Variants in DCLRE1C observed in about 807,000 individuals in gnomAD.
DCLRE1C encodes the protein DNA cross-link repair 1C.
DCLRE1C carries 47 observed loss-of-function variants against 61.4 expected under a neutral mutation model. The ratio of observed to expected loss-of-function variants is 0.77; its 90% CI spans 0.61 to 0.98. The LOEUF is 0.98. DCLRE1C is among the 50% of genes least tolerant of loss of function. The pLI, the probability that DCLRE1C is intolerant of heterozygous loss-of-function variation, is 0.00. For missense variants in DCLRE1C, 858 were observed against 816.0 expected, an observed-to-expected ratio of 1.05 and a Z score of -0.63; for synonymous variants, 337 against 287.6, an observed-to-expected ratio of 1.17 and a Z score of -1.74.
intron 12 of DCLRE1C, among the ~76,000 whole-genome samples, chr10:14,920,208 C>T (rs1836869393): frequency 1.3e-5 from 2 of 152,132 alleles, no homozygotes; most frequent in South Asian, 2.1e-4. Flanking sequence ...CTCTGGCATT[C>T]GGGATACAAT....
chr10:14,909,618 A>G (rs1031720764), intron 13 of DCLRE1C, among the ~76,000 whole-genome samples: 1 of 152,030 alleles, frequency 6.6e-6, no homozygotes, highest in Non-Finnish European at 1.5e-5. Flanking sequence ...AAAAAAAAAA[A>G]AAACAGGTTT....
chr10:14,923,972 T>A (rs1837538923), intron 11 of DCLRE1C, among the ~76,000 whole-genome samples: 1 of 152,214 alleles, frequency 6.6e-6, no homozygotes, highest in Non-Finnish European at 1.5e-5. Context: ...CAGGGCAACC[T>A]GCCTACATGC....
chr10:14,909,699 C>T (rs986627139), intron 13 of DCLRE1C, among the ~76,000 whole-genome samples: 1 of 151,998 alleles, frequency 6.6e-6, no homozygotes, highest in African/African-American at 2.4e-5. Context: ...TTAAGTTCTA[C>T]AGCTGATATC....
At chr10:14,934,238 G>A (rs1839499249) in intron 8 of DCLRE1C, 142 bp downstream of exon 8, 1 of 1,217,380 alleles carries the variant, frequency 8.2e-7, no homozygotes, top group Middle Eastern at 2.9e-4. Context: ...TGAGCCAGGA[G>A]AATTGCTTGA....
rs1841555532 is a variant in DCLRE1C at position 14,945,643 on chromosome 10, TAA to T, written c.162-456_162-455del. On this transcript the variant is annotated intron_variant, in intron 2 of 13. Transcript: ENST00000378278. ...ACAGAAACTTCTGCTTTTTACTGTA[TAA>T]GTCTATTCTTTTTTTTTTTTTTTTT... The T allele has an allele frequency of 4.9e-6, 3 of 607,450 alleles. No individual in the cohort carries two copies. The South Asian group carries it at 2.1e-4, about 43-fold the overall frequency. 37.6% of individuals were successfully genotyped at this position (607,450 alleles called of 1,614,324 possible).
At chr10:14,953,783 T>C in intron 1 of DCLRE1C, 119 bp downstream of exon 1, 1 of 1,445,332 alleles carries the variant, frequency 6.9e-7, no homozygotes, top group Non-Finnish European at 9.4e-7. Flanking sequence ...AGGCGTGTGC[T>C]GGCCGCCCCC....
At chr10:14,953,211 G>A (rs944104098) in intron 1 of DCLRE1C, among the ~76,000 whole-genome samples, 1 of 152,194 alleles carries the variant, frequency 6.6e-6, no homozygotes, top group Non-Finnish European at 1.5e-5. Flanking sequence ...AAGTGAAAAT[G>A]AACAATGGTT....
chr10:14,898,106 A>AG (rs1220845086), exon 14 of DCLRE1C: 2 of 150,670 alleles, frequency 1.3e-5, no homozygotes, highest in Non-Finnish European at 3.0e-5. Flanking sequence ...ATATATATAA[A>AG]TGTAAAAAGT....
At chr10:14,934,275 C>A (rs1418282643) in intron 8 of DCLRE1C, 105 bp downstream of exon 8, 8 of 1,502,196 alleles carry the variant, frequency 5.3e-6, no homozygotes, top group African/African-American at 1.4e-5. Context: ...CTGCAGTGAG[C>A]CGAGGTCGCG....
intron 5 of DCLRE1C, among the ~76,000 whole-genome samples, chr10:14,936,326 CTTTT>C (rs201889030): frequency 7.3e-6 from 1 of 137,246 alleles, no homozygotes; most frequent in Non-Finnish European, 1.6e-5. Flanking sequence ...TTCTTTCTTT[CTTTT>C]TTTTTTTTTT....
chr10:14,902,691 CAT>C (rs930241335), downstream of DCLRE1C: 106 of 478,638 alleles, frequency 2.2e-4, no homozygotes, highest in South Asian at 3.1e-3. Flanking sequence ...CACTGGGTCT[CAT>C]AGACTGATAT....
Position 14,932,873 on chromosome 10 carries a change from T to C in DCLRE1C, c.761A>G (p.His254Arg). 2 of 1,614,198 alleles carry C rather than the reference T, an allele frequency of 1.2e-6. No individual in the cohort carries two copies. The highest frequency in any genetic ancestry group is 1.7e-6 in the Non-Finnish European group (2 of 1,180,020). Residue 254 changes from histidine to arginine, a missense_variant, in exon 9 of 14, where the codon CAT becomes CGT. His to Arg is a conservative substitution (Grantham distance 29). Around this residue, in one of 2 missense-constraint regions of DCLRE1C, gnomAD observed 843 missense variants for 783.5 expected, o/e 1.08. Transcript: ENST00000378278. ...HLTTDRNTQI[H>R]ACRHPKAEEY... ...ACGTACCTTGGGATGCCGGCATGCA[T>C]GGATCTGAGTGTTGCGGTCTGTTGT...
At chr10:14,950,376 AC>A (rs1170482370) in intron 1 of DCLRE1C, among the ~76,000 whole-genome samples, 1 of 151,272 alleles carries the variant, frequency 6.6e-6, no homozygotes, top group Non-Finnish European at 1.5e-5. Context: ...AAAAAAAAAA[AC>A]AAGAACAATA....
chr10:14,940,041 TAA>T (rs1421442027), intron 3 of DCLRE1C, among the ~76,000 whole-genome samples, 172 bp from the exon 4 acceptor site: 1 of 152,164 alleles, frequency 6.6e-6, no homozygotes, highest in African/African-American at 2.4e-5. Flanking sequence ...GTAAAGAAAA[TAA>T]TACCTGTCTT....
In DCLRE1C at chr10:14,908,094, C is replaced by T. The variant is rs886046845; in HGVS notation, c.*314G>A. Reference sequence around the variant, plus strand: ...GAGGTGCAGTGGCACAGTCATGGCTCACTGCAGCCTCAATCTCCTGGGCTC... The same window carrying T: ...GAGGTGCAGTGGCACAGTCATGGCTTACTGCAGCCTCAATCTCCTGGGCTC... On this transcript the variant is annotated 3_prime_UTR_variant, in exon 14 of 14. Coordinates refer to ENST00000378278, the MANE Select transcript of DCLRE1C (RefSeq NM_001033855.3). The T allele has an allele frequency of 6.6e-6, 2 of 301,622 alleles. No individual in the cohort carries two copies. The allele number at this position is 301,622 out of a possible 1,614,324, so 18.7% of individuals were successfully genotyped here. A position where few individuals can be genotyped will look rare whatever the true frequency, so the allele number is the denominator to read the frequency against.
intron 12 of DCLRE1C, among the ~76,000 whole-genome samples, chr10:14,922,455 AT>A (rs1378938432): frequency 2.0e-5 from 3 of 151,790 alleles, no homozygotes; most frequent in Non-Finnish European, 2.9e-5. Flanking sequence ...AAAAAAAAAA[AT>A]CATTCATGAA....
At chr10:14,901,333 C>A (rs896207453), downstream of DCLRE1C, 88 of 1,583,178 alleles carry the variant, frequency 5.6e-5, no homozygotes, top group Non-Finnish European at 7.3e-5. Context: ...TAGGAACAGA[C>A]CTTAGATATT....
intron 13 of DCLRE1C, among the ~76,000 whole-genome samples, chr10:14,911,951 G>A (rs985952961): frequency 6.6e-6 from 1 of 152,220 alleles, no homozygotes; most frequent in Non-Finnish European, 1.5e-5. Context: ...AATATGTGAA[G>A]GAACTGGAAT....
At chr10:14,915,065 G>C (rs1835943252) in intron 13 of DCLRE1C, among the ~76,000 whole-genome samples, 1 of 151,984 alleles carries the variant, frequency 6.6e-6, no homozygotes, top group Admixed American at 6.6e-5. Context: ...AATAACCCAT[G>C]TGTCAAAGAA....
Sources: gnomAD v4.1 joint callset for allele counts (sites outside exome capture counted in the v4.1 genomes callset) on GRCh38, gnomAD v4.1.1 for gene constraint, gnomAD v4.1.1 regional missense constraint, MANE v1.5 for transcripts, NCBI Gene and HGNC (gene_info 2026-07-23, HGNC 2026-07-21) for gene names.